The following POC1A variants were observed in gnomAD, a reference collection of about 807,000 sequenced individuals.
The protein encoded by POC1A is POC1 centriolar protein A.
In POC1A, 34 loss-of-function variants were observed where a neutral mutation model predicts 47.8. The ratio of observed to expected loss-of-function variants is 0.71; its 90% CI spans 0.54 to 0.95. The LOEUF is 0.95. Ranked by LOEUF, POC1A falls within the 40% of genes least tolerant of loss-of-function variation. The pLI is 0.00. For missense variants in POC1A, 466 were observed against 528.3 expected (o/e 0.88, Z 1.16); for synonymous variants, 177 against 207.6 (o/e 0.85, Z 1.27).
At chr3:52,096,498 AC>A in intron 10 of POC1A, 70 bp downstream of exon 10, 1 of 1,328,914 alleles carries the variant, frequency 7.5e-7, no homozygotes, top group East Asian at 2.7e-5. Context: ...CTGTTGTCCA[AC>A]TTCAAACGGT....
intron 10 of POC1A, among the ~76,000 whole-genome samples, chr3:52,096,040 A>G (rs1168056215): frequency 6.6e-6 from 1 of 152,224 alleles, no homozygotes; most frequent in Non-Finnish European, 1.5e-5. Context: ...TCCCAGATTC[A>G]TCTCCCTTAA....
At chr3:52,124,349 G>C (rs1703914029) in intron 8 of POC1A, among the ~76,000 whole-genome samples, 1 of 152,240 alleles carries the variant, frequency 6.6e-6, no homozygotes, top group African/African-American at 2.4e-5. Flanking sequence ...CCCAGAAGCA[G>C]GGTGCCTGCC....
chr3:52,107,222 C>T (rs1373463364), intron 9 of POC1A, among the ~76,000 whole-genome samples: 3 of 152,238 alleles, frequency 2.0e-5, no homozygotes, highest in African/African-American at 7.2e-5. Flanking sequence ...TGGAGCCCTC[C>T]AGGTCATCAC....
In POC1A at chr3:52,147,006, G is replaced by A. The variant is rs1698387096; in HGVS notation, c.545C>T (p.Ser182Leu). 12 of 1,613,758 alleles carry A rather than the reference G, an allele frequency of 7.4e-6. No individual in the cohort carries two copies. Among genetic ancestry groups the A allele is most frequent in the Admixed American group, 1.7e-5 (1 of 59,998 alleles). The change falls in exon 5 of 11, where the codon TCG becomes TTG. Residue 182 changes from serine (S) to leucine (L), a missense_variant. Physicochemically the swap from Ser to Leu is moderately radical, Grantham distance 145 (BLOSUM62 -2). Transcript: ENST00000296484. ...WDKSSRECVH[S>L]YCEHGGFVTY... ...GACTCACCCGCCATGCTCACAATAC[G>A]AGTGGACACATTCCCGGCTGCTCTT...
intron 7 of POC1A, among the ~76,000 whole-genome samples, chr3:52,135,975 AG>A (rs1029292830): frequency 1.1e-4 from 16 of 152,082 alleles, no homozygotes; most frequent in African/African-American, 3.9e-4. Flanking sequence ...GGTCTTAAAG[AG>A]GAGGGATGGG....
chr3:52,124,520 C>G (rs1703922595), intron 8 of POC1A, among the ~76,000 whole-genome samples: 1 of 152,164 alleles, frequency 6.6e-6, no homozygotes, highest in Non-Finnish European at 1.5e-5. Context: ...AAACAGTGTC[C>G]AAGGGGGCTG....
chr3:52,133,760 G>A (rs768156868), intron 7 of POC1A, among the ~76,000 whole-genome samples: 3 of 152,062 alleles, frequency 2.0e-5, no homozygotes, highest in Admixed American at 2.0e-4. Context: ...CCTCCCCCAC[G>A]GTTTCCCCAG....
chr3:52,091,242 C>T (rs939485292), intron 10 of POC1A, among the ~76,000 whole-genome samples: 1 of 152,124 alleles, frequency 6.6e-6, no homozygotes, highest in African/African-American at 2.4e-5. Flanking sequence ...TGCGATCTCT[C>T]AGTGGGGCGG....
intron 9 of POC1A, among the ~76,000 whole-genome samples, chr3:52,101,977 A>C (rs1452546546): frequency 6.6e-6 from 1 of 152,260 alleles, no homozygotes; most frequent in African/African-American, 2.4e-5. Context: ...TAGTTTCACG[A>C]GAATTCTTCA....
chr3:52,131,711 G>A (rs1335021807), intron 7 of POC1A, among the ~76,000 whole-genome samples: 1 of 152,202 alleles, frequency 6.6e-6, no homozygotes, highest in Admixed American at 6.5e-5. Context: ...AGTCTCCCCA[G>A]CCCCCAACCA....
chr3:52,125,056 G>C (rs1703943896), intron 8 of POC1A, 57 bp downstream of exon 8: 1 of 1,358,294 alleles, frequency 7.4e-7, no homozygotes, highest in Non-Finnish European at 1.1e-6. Context: ...TTGGTTCTGA[G>C]CAGAAATCAG....
intron 10 of POC1A, among the ~76,000 whole-genome samples, chr3:52,085,983 G>A (rs935719724): frequency 6.6e-6 from 1 of 152,224 alleles, no homozygotes; most frequent in African/African-American, 2.4e-5. Context: ...AGGGCAGCCT[G>A]TGGTCAGGTT....
intron 7 of POC1A, among the ~76,000 whole-genome samples, chr3:52,133,440 G>A (rs181001021): frequency 2.6e-5 from 4 of 152,182 alleles, no homozygotes; most frequent in East Asian, 3.9e-4. Flanking sequence ...ATGAGCCTGC[G>A]CAAACAAAAG....
At chr3:52,092,802 A>C (rs1702685787) in intron 10 of POC1A, among the ~76,000 whole-genome samples, 1 of 152,176 alleles carries the variant, frequency 6.6e-6, no homozygotes. Flanking sequence ...GTAAAACACC[A>C]ACCCCATTTC....
chr3:52,130,004 C>T (rs79054646), intron 7 of POC1A, among the ~76,000 whole-genome samples: 1 of 152,212 alleles, frequency 6.6e-6, no homozygotes, highest in African/African-American at 2.4e-5. Context: ...TCTGCTGCTC[C>T]GGCAGCTCAC....
intron 9 of POC1A, among the ~76,000 whole-genome samples, chr3:52,117,146 C>T (rs891715939): frequency 2.0e-5 from 3 of 151,850 alleles, no homozygotes; most frequent in African/African-American, 7.3e-5. Context: ...CAAGATTGTG[C>T]CACTGCACTC....
At chr3:52,105,951 T>C (rs1340489306) in intron 9 of POC1A, among the ~76,000 whole-genome samples, 1 of 152,002 alleles carries the variant, frequency 6.6e-6, no homozygotes, top group Non-Finnish European at 1.5e-5. Flanking sequence ...TCCCAGCACT[T>C]TGGGAGGCTG....
chr3:52,080,082 A>G (rs935907553), intron 10 of POC1A, among the ~76,000 whole-genome samples: 1 of 152,128 alleles, frequency 6.6e-6, no homozygotes. Context: ...GTGTGCCAAA[A>G]ACTTCAACAA....
At position 52,154,406 on chromosome 3, in the gene POC1A, G is replaced by T; in HGVS notation, c.-34C>A. ...TGGCGGCGCCGAAGGCAGCTGCGGT[G>T]GCCGTTGCGGCCCGTTCAGTTTCCG... On this transcript the variant is annotated 5_prime_UTR_variant, in exon 1 of 11. Transcript: ENST00000296484. The T allele has an allele frequency of 7.0e-7, 1 of 1,428,008 alleles. No individual in the cohort carries two copies. Among genetic ancestry groups the T allele is most frequent in the Middle Eastern group, 2.3e-4 (1 of 4,264 alleles). The allele number at this position is 1,428,008 out of a possible 1,614,324, so 88.5% of individuals were successfully genotyped here. A position where few individuals can be genotyped will look rare whatever the true frequency, so the allele number is the denominator to read the frequency against.
Sources: gnomAD v4.1 joint callset for allele counts (sites outside exome capture counted in the v4.1 genomes callset) on GRCh38, gnomAD v4.1.1 for gene constraint, MANE v1.5 for transcripts, NCBI Gene and HGNC (gene_info 2026-07-23, HGNC 2026-07-21) for gene names.